The following UBXN4 variants were observed in gnomAD, a reference collection of about 807,000 sequenced individuals.
The protein encoded by UBXN4 is UBX domain-containing protein 4.
In UBXN4, 35 loss-of-function variants were observed where a neutral mutation model predicts 66.2. The ratio of observed to expected loss-of-function variants is 0.53; its 90% CI spans 0.40 to 0.70. The LOEUF (loss-of-function observed/expected upper bound fraction) is 0.70. UBXN4 is among the 30% of genes least tolerant of loss of function. The pLI, the probability that UBXN4 is intolerant of heterozygous loss-of-function variation, is 0.00. For synonymous variants in UBXN4, 203 were observed against 204.5 expected (o/e 0.99, Z 0.06); for missense variants, 533 against 599.8 (o/e 0.89, Z 1.16).
At chr2:135,751,504 A>G (rs2077241913) in intron 2 of UBXN4, among the ~76,000 whole-genome samples, 1 of 151,322 alleles carries the variant, frequency 6.6e-6, no homozygotes, top group South Asian at 2.1e-4. Flanking sequence ...ACAAATTTCT[A>G]TTAGCAGATG....
chr2:135,755,479 T>G (rs747785775), intron 4 of UBXN4, 38 bp from the exon 5 acceptor site: 29 of 1,466,494 alleles, frequency 2.0e-5, no homozygotes, highest in Non-Finnish European at 3.6e-6. Context: ...GTTTAGATTC[T>G]TATCTATTAA....
chr2:135,758,143 T>C (rs1249451642), intron 5 of UBXN4, among the ~76,000 whole-genome samples: 10 of 151,686 alleles, frequency 6.6e-5, no homozygotes, highest in Non-Finnish European at 2.9e-5. Flanking sequence ...GGCACAATCT[T>C]GGCTCACCAC....
intron 1 of UBXN4, among the ~76,000 whole-genome samples, chr2:135,745,998 C>T (rs142650114): frequency 1.2e-3 from 183 of 149,332 alleles, no homozygotes; most frequent in African/African-American, 4.3e-3. Context: ...CTGCCTCAGC[C>T]TCCTGAGTAG....
At position 135,745,875 on chromosome 2, in the gene UBXN4, C is replaced by CTTTTTTTTTTTTTTTTTT. The variant is rs59946844; in HGVS notation, c.83-2388_83-2371dup. Among the ~76,000 whole-genome samples, 29 of 74,408 alleles carry CTTTTTTTTTTTTTTTTTT rather than the reference C, an allele frequency of 3.9e-4. 8 individuals carry two copies. The highest frequency in any genetic ancestry group is 1.5e-3 in the East Asian group (3 of 1,942). The allele number at this position is 74,408 out of a possible 152,430, so 48.8% of individuals were successfully genotyped here. ...TGTGGATGCATTCTAGTCCCGTTTA[C>CTTTTTTTTTTTTTTTTTT]TTTTTTTTTTTTTTTTTTTTTGAGA... On this transcript the variant is annotated intron_variant, in intron 1 of 12. Transcript: ENST00000272638.
intron 2 of UBXN4, among the ~76,000 whole-genome samples, chr2:135,752,475 G>T (rs1237983141): frequency 6.6e-6 from 1 of 152,172 alleles, no homozygotes; most frequent in African/African-American, 2.4e-5. Context: ...CACAGTGCTG[G>T]CCTGCCTTTT....
chr2:135,759,766 ATTTTTTTTTT>A (rs10660396), intron 5 of UBXN4, among the ~76,000 whole-genome samples: 1 of 93,444 alleles, frequency 1.1e-5, no homozygotes, highest in East Asian at 3.0e-4. Context: ...TCAATCCAGA[ATTTTTTTTTT>A]TTTTTTTTTT....
At chr2:135,776,885 A>G (rs961531343) in intron 10 of UBXN4, among the ~76,000 whole-genome samples, 6 of 152,268 alleles carry the variant, frequency 3.9e-5, no homozygotes, top group Admixed American at 2.6e-4. Flanking sequence ...TGAGCCACCC[A>G]GCCCAGCCAC....
intron 11 of UBXN4, 45 bp from the exon 12 acceptor site, chr2:135,780,138 T>G: frequency 2.5e-6 from 4 of 1,581,100 alleles, no homozygotes; most frequent in Non-Finnish European, 3.5e-6. Flanking sequence ...CGTGATGTGA[T>G]TGTGCTAACG....
At chr2:135,767,682 T>C (rs1470596839) in intron 6 of UBXN4, among the ~76,000 whole-genome samples, 4 of 152,202 alleles carry the variant, frequency 2.6e-5, no homozygotes, top group Non-Finnish European at 4.4e-5. Flanking sequence ...AGGATTGTTT[T>C]CAGTTTGGGG....
chr2:135,741,983 C>T lies in UBXN4; in HGVS notation c.54C>T (p.Ser18=), dbSNP rs769072832. The stretch of plus-strand genomic sequence containing the variant: ...CCGCCATCGCGACGGCCAAAAGGAG[C>T]GGCGCGGTCTTCGTGGTGTTCGTGG... ...IPAAIATAKR[S]GAVFVVFVAG... is the part of the protein sequence containing the mutation. Residue 18 remains serine (S), a synonymous_variant, in exon 1 of 13, where the codon AGC becomes AGT. Coordinates refer to ENST00000272638, the MANE Select transcript of UBXN4 (RefSeq NM_014607.4). 1.9e-6 allele frequency: 3 copies of T among 1,613,402 alleles called. No individual in the cohort carries two copies. Among genetic ancestry groups the T allele is most frequent in the Non-Finnish European group, 2.5e-6 (3 of 1,179,688 alleles).
At chr2:135,763,081 T>C (rs1278745949) in intron 6 of UBXN4, among the ~76,000 whole-genome samples, 1 of 152,232 alleles carries the variant, frequency 6.6e-6, no homozygotes, top group Admixed American at 6.5e-5. Context: ...ATTCACAAGC[T>C]GAGATCCTGC....
At chr2:135,756,772 A>G (rs766656632) in intron 5 of UBXN4, among the ~76,000 whole-genome samples, 11 of 152,152 alleles carry the variant, frequency 7.2e-5, no homozygotes, top group Non-Finnish European at 1.0e-4. Context: ...TACTTATTGT[A>G]CAGGTCTGGA....
At chr2:135,769,969 G>A (rs2077373267) in intron 7 of UBXN4, 146 bp downstream of exon 7, 2 of 541,408 alleles carry the variant, frequency 3.7e-6, no homozygotes, top group Admixed American at 8.1e-5. Flanking sequence ...GTTTTCTCTA[G>A]TAGAGTCATA....
At chr2:135,757,700 A>G (rs141353143) in intron 5 of UBXN4, among the ~76,000 whole-genome samples, 1 of 152,166 alleles carries the variant, frequency 6.6e-6, no homozygotes. Context: ...GTAGACAATT[A>G]ACTTGGCTAG....
At chr2:135,771,092 A>G (rs2077380166) in intron 8 of UBXN4, among the ~76,000 whole-genome samples, 1 of 144,786 alleles carries the variant, frequency 6.9e-6, no homozygotes, top group Non-Finnish European at 1.5e-5. Context: ...CTGTAGTCAC[A>G]GGCACACTTT....
chr2:135,760,986 T>C (rs2105499382), intron 5 of UBXN4, among the ~76,000 whole-genome samples: 1 of 152,348 alleles, frequency 6.6e-6, no homozygotes, highest in South Asian at 2.1e-4. Flanking sequence ...ATGCTTACCA[T>C]GTGCCAGTCT....
chr2:135,771,951 A>G (rs139832667), intron 8 of UBXN4, among the ~76,000 whole-genome samples: 1 of 152,302 alleles, frequency 6.6e-6, no homozygotes, highest in East Asian at 1.9e-4. Context: ...CCTTAATAAT[A>G]ATTCTGGTCT....
chr2:135,776,823 G>A (rs1467152377), intron 10 of UBXN4, among the ~76,000 whole-genome samples: 2 of 152,192 alleles, frequency 1.3e-5, no homozygotes, highest in Non-Finnish European at 2.9e-5. Flanking sequence ...TGAACTCCTG[G>A]GCTCAAGCAT....
At position 135,780,234 on chromosome 2, in the gene UBXN4, A is replaced by G. The variant is rs763700558; in HGVS notation, c.1237A>G (p.Thr413Ala). The G allele has an allele frequency of 1.9e-6, 3 of 1,614,090 alleles. No homozygotes were observed. The highest frequency in any genetic ancestry group is 1.3e-5 in the African/African-American group (1 of 75,030). ...ACACTCTTCCAGCGGAGACATTTGG[A>G]CCTTGTTGGGAACAGTGCTTTATCC... ...IVHSSSGDIWTLLGTVLYPFL... is the reference protein window; with the variant it reads ...IVHSSSGDIWALLGTVLYPFL... The change falls in exon 12 of 13, where the codon ACC (threonine) becomes GCC (alanine). Residue 413 changes from threonine to alanine, a missense_variant. Physicochemically the swap from Thr to Ala is moderately conservative, Grantham distance 58. This residue lies in a region of UBXN4 where 529 missense variants were observed against 580.1 expected (regional missense o/e 0.91). Coordinates refer to ENST00000272638, the MANE Select transcript of UBXN4 (RefSeq NM_014607.4).
Sources: allele counts gnomAD v4.1 joint callset (sites outside exome capture counted in the v4.1 genomes callset), GRCh38; gene constraint gnomAD v4.1.1; regional missense constraint gnomAD v4.1.1; transcripts MANE v1.5; gene names NCBI Gene and HGNC (gene_info 2026-07-23, HGNC 2026-07-21).